RAB27A: variants seen among roughly 807,000 people sequenced by gnomAD.
RAB27A encodes the protein ras-related protein Rab-27A.
A neutral mutation model predicts 20.8 loss-of-function variants in RAB27A; 17 were observed. That is an observed-to-expected ratio of 0.82 (90% CI 0.56 to 1.23). The LOEUF is 1.23. RAB27A is among the 50% of genes most tolerant of loss of function. The pLI is 0.00. For missense variants in RAB27A, 277 were observed against 266.7 expected (o/e 1.04, Z -0.27); for synonymous variants, 85 against 92.8 (o/e 0.92, Z 0.48).
At chr15:55,252,892 TG>T (rs1182671835) in intron 2 of RAB27A, among the ~76,000 whole-genome samples, 7 of 151,676 alleles carry the variant, frequency 4.6e-5, no homozygotes, top group Admixed American at 3.3e-4. Flanking sequence ...CCCAGCACTT[TG>T]GGAGGCCAAG....
intron 2 of RAB27A, among the ~76,000 whole-genome samples, chr15:55,308,907 C>G (rs2055008852): frequency 1.3e-5 from 2 of 152,190 alleles, no homozygotes; most frequent in South Asian, 2.1e-4. Flanking sequence ...TGAGGCCAAC[C>G]CTTTGCCACT....
intron 2 of RAB27A, among the ~76,000 whole-genome samples, chr15:55,244,085 G>A (rs1896596154): frequency 1.3e-5 from 2 of 152,132 alleles, no homozygotes; most frequent in Non-Finnish European, 1.5e-5. Flanking sequence ...TGGATCACTT[G>A]AGGTCACGAG....
chr15:55,288,543 G>A (rs1177566917), intron 1 of RAB27A, among the ~76,000 whole-genome samples: 1 of 151,270 alleles, frequency 6.6e-6, no homozygotes, highest in Non-Finnish European at 1.5e-5. Context: ...AGGAAAAATA[G>A]ATTAAATATA....
At position 55,316,345 on chromosome 15, in the gene RAB27A, A is replaced by G. The variant is rs189834918; in HGVS notation, c.-233-2185T>C. 3.3e-3 allele frequency among the ~76,000 whole-genome samples: 477 copies of G among 144,858 alleles called. 1 individual carries two copies. The highest frequency in any genetic ancestry group is 0.011 in the African/African-American group (449 of 39,552). On this transcript the variant is annotated intron_variant, in intron 1 of 5. Transcript: ENST00000563262. The stretch of plus-strand genomic sequence containing the variant: ...ACAGGAACAGAAAACCAAACACCAC[A>G]TGTTCTCACTCATAAGTGAGAGCTG...
At chr15:55,215,982 CT>C (rs1895284140) in intron 6 of RAB27A, among the ~76,000 whole-genome samples, 1 of 147,860 alleles carries the variant, frequency 6.8e-6, no homozygotes, top group Admixed American at 6.9e-5. Context: ...GTCATAACCT[CT>C]GGAGTCATGC....
chr15:55,309,447 CT>C (rs1289185197), intron 2 of RAB27A, among the ~76,000 whole-genome samples: 5 of 152,146 alleles, frequency 3.3e-5, no homozygotes, highest in African/African-American at 1.2e-4. Context: ...GAATGGGCAG[CT>C]AAAAGTAAAT....
chr15:55,248,473 T>C (rs1896770671), intron 2 of RAB27A, among the ~76,000 whole-genome samples: 1 of 152,170 alleles, frequency 6.6e-6, no homozygotes, highest in African/African-American at 2.4e-5. Context: ...CCTCAATAAA[T>C]TCATAATGCT....
chr15:55,241,563 G>C (rs1407862685), intron 2 of RAB27A, among the ~76,000 whole-genome samples: 1 of 146,522 alleles, frequency 6.8e-6, no homozygotes, highest in African/African-American at 2.7e-5. Flanking sequence ...TTGACGTCAG[G>C]AGTTCAAGAC....
At chr15:55,311,035 TTC>T (rs1566942080) in intron 2 of RAB27A, among the ~76,000 whole-genome samples, 1 of 152,100 alleles carries the variant, frequency 6.6e-6, no homozygotes, top group Non-Finnish European at 1.5e-5. Flanking sequence ...CATATCCTGA[TTC>T]TGTGTCCCAC....
At chr15:55,258,707 T>C (rs554327626) in intron 2 of RAB27A, among the ~76,000 whole-genome samples, 1 of 152,250 alleles carries the variant, frequency 6.6e-6, no homozygotes, top group Non-Finnish European at 1.5e-5. Flanking sequence ...GGTAACACAT[T>C]GTGATCTAAA....
At chr15:55,230,549 C>T (rs148185523) in intron 3 of RAB27A, 63 bp from the exon 4 acceptor site, 46,799 of 1,381,122 alleles carry the variant, frequency 0.034, 968 homozygotes, top group South Asian at 0.044. Flanking sequence ...ACCTTCTCAC[C>T]TTTTTGTTCA....
Position 55,289,704 on chromosome 15 carries a change from AG to A in RAB27A, c.-143+11del, listed in dbSNP as rs1486779787. 1 of 152,826 alleles carries A rather than the reference AG, an allele frequency of 6.5e-6. No homozygotes were observed. Among genetic ancestry groups the A allele is most frequent in the African/African-American group, 2.4e-5 (1 of 41,392 alleles). The allele number at this position is 152,826 out of a possible 1,614,324, so 9.5% of individuals were successfully genotyped here. A position where few individuals can be genotyped will look rare whatever the true frequency, so the allele number is the denominator to read the frequency against. On this transcript the variant is annotated intron_variant, in intron 1 of 6. Coordinates refer to ENST00000336787, the MANE Select transcript of RAB27A (RefSeq NM_183235.3). The stretch of plus-strand genomic sequence containing the variant: ...ACCCGCCGCGCGCCTCCCGCTCCTC[AG>A]GCCCCCTCACCTGGCTCGCCCCGCC...
intron 2 of RAB27A, among the ~76,000 whole-genome samples, chr15:55,261,043 G>GA (rs1373953113): frequency 6.6e-6 from 1 of 151,874 alleles, no homozygotes; most frequent in Non-Finnish European, 1.5e-5. Flanking sequence ...GGAGGGAAGG[G>GA]AATATATGGA....
intron 2 of RAB27A, among the ~76,000 whole-genome samples, chr15:55,258,054 G>A (rs889612545): frequency 4.4e-5 from 6 of 136,544 alleles, no homozygotes; most frequent in African/African-American, 8.2e-5. Context: ...GCGATACAGC[G>A]AGACTCAGTC....
chr15:55,275,742 C>T (rs923693417), intron 1 of RAB27A, among the ~76,000 whole-genome samples: 2 of 150,504 alleles, frequency 1.3e-5, no homozygotes, highest in East Asian at 1.9e-4. Flanking sequence ...AAAAAACAAC[C>T]CCCAAAAGAA....
chr15:55,262,669 G>C (rs1472143834), intron 2 of RAB27A, among the ~76,000 whole-genome samples: 3 of 137,458 alleles, frequency 2.2e-5, no homozygotes, highest in African/African-American at 8.6e-5. Flanking sequence ...ATCTCACTCT[G>C]TTGTCCAGGC....
At chr15:55,237,210 G>A (rs1378403818) in intron 2 of RAB27A, 1 of 152,200 alleles carries the variant, frequency 6.6e-6, no homozygotes, top group Admixed American at 6.6e-5. Context: ...AGTGCTTCCT[G>A]TAGGACTATT....
At chr15:55,294,655 T>G (rs924588473), upstream of RAB27A, among the ~76,000 whole-genome samples, 1 of 118,470 alleles carries the variant, frequency 8.4e-6, no homozygotes, top group Non-Finnish European at 1.8e-5. Context: ...ATACCATATA[T>G]AAAATTACAT....
chr15:55,207,757 A>T (rs1428886205), intron 6 of RAB27A, among the ~76,000 whole-genome samples: 1 of 152,134 alleles, frequency 6.6e-6, no homozygotes, highest in African/African-American at 2.4e-5. Flanking sequence ...ATATTGGCTC[A>T]TTGCAACCTC....
Sources: gnomAD v4.1 joint callset for allele counts (sites outside exome capture counted in the v4.1 genomes callset) on GRCh38, gnomAD v4.1.1 for gene constraint, MANE v1.5 for transcripts, NCBI Gene and HGNC (gene_info 2026-07-23, HGNC 2026-07-21) for gene names.